PPP4R2: variants seen among roughly 807,000 people sequenced by gnomAD.
PPP4R2 encodes the protein protein phosphatase 4 regulatory subunit 2.
In PPP4R2, 13 loss-of-function variants were observed where a neutral mutation model predicts 47.2. The observed-to-expected ratio is 0.28, with a 90% CI of 0.18 to 0.44. PPP4R2 has a LOEUF of 0.44. PPP4R2 is among the 20% of genes least tolerant of loss of function. The pLI is 1.00. For synonymous variants in PPP4R2, 151 were observed against 163.3 expected (o/e 0.92, Z 0.57); for missense variants, 421 against 491.2 (o/e 0.86, Z 1.35).
intron 2 of PPP4R2, among the ~76,000 whole-genome samples, chr3:73,009,615 C>A (rs1043354759): frequency 7.2e-6 from 1 of 138,810 alleles, no homozygotes; most frequent in African/African-American, 3.5e-5. Context: ...TAGTAAGCTT[C>A]AGATCTCATT....
Position 73,067,593 on chromosome 3 carries a change from A to AT in PPP4R2, c.*1874dup, listed in dbSNP as rs1263045720. The AT allele has an allele frequency of 6.6e-6, 1 of 152,200 alleles. No homozygotes were observed. The highest frequency in any genetic ancestry group is 1.5e-5 in the Non-Finnish European group (1 of 67,998). 9.4% of individuals were successfully genotyped at this position (152,200 alleles called of 1,614,324 possible). A position where few individuals can be genotyped will look rare whatever the true frequency, so the allele number is the denominator to read the frequency against. On this transcript the variant is annotated 3_prime_UTR_variant, in exon 9 of 9. Transcript: ENST00000356692. ...TTTCAAAAATGTTAAAATGAGGCAA[A>AT]TTTAAGTTTACAAATTTTGAAATTT...
At chr3:73,021,897 T>TG (rs1310240803) in intron 2 of PPP4R2, among the ~76,000 whole-genome samples, 1 of 111,144 alleles carries the variant, frequency 9.0e-6, no homozygotes, top group Non-Finnish European at 1.9e-5. Flanking sequence ...TGCATATATA[T>TG]ATATTTTTTT....
chr3:73,003,531 G>A (rs1701529056), intron 2 of PPP4R2, among the ~76,000 whole-genome samples: 1 of 151,958 alleles, frequency 6.6e-6, no homozygotes, highest in Non-Finnish European at 1.5e-5. Flanking sequence ...CCTTTTAACT[G>A]TCAATCTTAG....
At chr3:73,021,425 T>C (rs1701957809) in intron 2 of PPP4R2, among the ~76,000 whole-genome samples, 4 of 151,588 alleles carry the variant, frequency 2.6e-5, no homozygotes. Context: ...TTTGTGGAGA[T>C]AGGGTTTTGC....
intron 2 of PPP4R2, among the ~76,000 whole-genome samples, chr3:73,035,462 A>C (rs546312840): frequency 6.6e-6 from 1 of 152,312 alleles, no homozygotes; most frequent in East Asian, 1.9e-4. Context: ...AAACACTAGT[A>C]CACTGCTAGT....
At chr3:73,056,359 A>C (rs948214570) in intron 3 of PPP4R2, among the ~76,000 whole-genome samples, 1 of 152,200 alleles carries the variant, frequency 6.6e-6, no homozygotes, top group African/African-American at 2.4e-5. Flanking sequence ...GCTGTTGAAC[A>C]AGGTTGGTAT....
intron 2 of PPP4R2, among the ~76,000 whole-genome samples, chr3:73,029,050 GTCC>G (rs1317620494): frequency 2.6e-5 from 4 of 152,178 alleles, no homozygotes; most frequent in Non-Finnish European, 5.9e-5. Context: ...GGCTCAAGCA[GTCC>G]TCCTTCCTCA....
intron 2 of PPP4R2, among the ~76,000 whole-genome samples, chr3:73,035,577 A>G (rs1007034555): frequency 2.0e-5 from 3 of 152,192 alleles, no homozygotes; most frequent in African/African-American, 7.2e-5. Context: ...TGCTGGATAA[A>G]TGTCCAAAAG....
chr3:73,053,091 T>C (rs2130902), intron 3 of PPP4R2, among the ~76,000 whole-genome samples: 80,189 of 152,104 alleles, frequency 0.53, 21,508 homozygotes, highest in African/African-American at 0.62. Context: ...CACTGTTGAT[T>C]CACTTTATTG....
In PPP4R2 at chr3:73,058,995, A is replaced by G. The variant is rs56010514; in HGVS notation, c.288-42A>G. On this transcript the variant is annotated intron_variant, in intron 3 of 8. Coordinates refer to ENST00000356692, the MANE Select transcript of PPP4R2 (RefSeq NM_174907.4). The stretch of plus-strand genomic sequence containing the variant: ...AGAAATAATGTTCCTCGTTTTCTTG[A>G]TTATCAGTGATCTCACACTGTAAAA... 1,714 of 1,172,164 alleles carry G rather than the reference A, an allele frequency of 1.5e-3. 11 individuals carry two copies. The African/African-American group carries it at 0.022, about 15-fold the overall frequency. The allele number at this position is 1,172,164 out of a possible 1,614,324, so 72.6% of individuals were successfully genotyped here.
intron 2 of PPP4R2, among the ~76,000 whole-genome samples, chr3:73,040,840 T>A (rs9862916): frequency 0.45 from 68,297 of 152,014 alleles, 15,580 homozygotes; most frequent in South Asian, 0.55. Flanking sequence ...CTGTGATTAA[T>A]AAATTATGGC....
chr3:72,996,938 T>TGC lies in PPP4R2; in HGVS notation c.-98_-97dup, dbSNP rs1420217109. On this transcript the variant is annotated 5_prime_UTR_variant, in exon 1 of 9. Coordinates refer to ENST00000356692, the MANE Select transcript of PPP4R2 (RefSeq NM_174907.4). ...CCGGTCGCCTGCGTGCCGGAGTGTGTGCGAGGGAGGGGGAGGGCGTCGGGG... is the reference window on the plus strand; with the variant it reads ...CCGGTCGCCTGCGTGCCGGAGTGTGTGCGCGAGGGAGGGGGAGGGCGTCGGGG... 1 of 928,354 alleles carries TGC rather than the reference T, an allele frequency of 1.1e-6. No homozygotes were observed. The highest frequency in any genetic ancestry group is 1.5e-6 in the Non-Finnish European group (1 of 685,458). 57.5% of individuals were successfully genotyped at this position (928,354 alleles called of 1,614,324 possible). A position where few individuals can be genotyped will look rare whatever the true frequency, so the allele number is the denominator to read the frequency against.
In PPP4R2 at chr3:73,065,573, C is replaced by T. The variant is rs757532989; in HGVS notation, c.1105C>T (p.Pro369Ser). The change falls in exon 9 of 9, where the codon CCT becomes TCT. Residue 369 changes from proline to serine, a missense_variant. Around this residue, in one of 2 missense-constraint regions of PPP4R2, gnomAD observed 317 missense variants for 287.5 expected, o/e 1.10. Coordinates refer to ENST00000356692, the MANE Select transcript of PPP4R2 (RefSeq NM_174907.4). ...TTCTGAAGGTAGTGAAAACGAAGGC[C>T]CTGTAAGTAGTAGTTCTTCTGACTG... ...LHSEGSENEG[P>S]VSSSSSDCRE... The T allele has an allele frequency of 6.2e-7, 1 of 1,613,364 alleles. No homozygotes were observed. The highest frequency in any genetic ancestry group is 1.1e-5 in the South Asian group (1 of 91,054).
At chr3:73,004,662 C>G (rs1701556652) in intron 2 of PPP4R2, among the ~76,000 whole-genome samples, 1 of 152,042 alleles carries the variant, frequency 6.6e-6, no homozygotes, top group Admixed American at 6.5e-5. Context: ...GTCTCCTGAG[C>G]TTGAACTCCC....
chr3:72,997,321 G>A, intron 1 of PPP4R2: 1 of 389,536 alleles, frequency 2.6e-6, no homozygotes, highest in South Asian at 1.4e-4. Context: ...TCTTGCGGGG[G>A]CCCCAGTCTT....
rs891511749 is a variant in PPP4R2, at chr3:72,996,925, G to C, written c.-113G>C. The C allele has an allele frequency of 5.3e-6, 4 of 752,720 alleles. No individual in the cohort carries two copies. The Admixed American group carries it at 1.3e-4, about 24-fold the overall frequency. 46.6% of individuals were successfully genotyped at this position (752,720 alleles called of 1,614,324 possible). ...TCGTTTCCCCCCCCCGGTCGCCTGC[G>C]TGCCGGAGTGTGTGCGAGGGAGGGG... On this transcript the variant is annotated 5_prime_UTR_variant, in exon 1 of 9. Transcript: ENST00000356692.
chr3:73,062,249 G>T, intron 5 of PPP4R2: 1 of 1,598,894 alleles, frequency 6.3e-7, no homozygotes, highest in African/African-American at 1.4e-5. Flanking sequence ...AGGACTCACA[G>T]CCCAGCAGCC....
Sources: gnomAD v4.1 joint callset for allele counts (sites outside exome capture counted in the v4.1 genomes callset) on GRCh38, gnomAD v4.1.1 for gene constraint, gnomAD v4.1.1 regional missense constraint, MANE v1.5 for transcripts, NCBI Gene and HGNC (gene_info 2026-07-23, HGNC 2026-07-21) for gene names.